Variants in ABL2 observed in about 807,000 individuals in gnomAD.
The protein encoded by ABL2 is ABL proto-oncogene 2, non-receptor tyrosine kinase, also known as tyrosine-protein kinase ABL2.
A neutral mutation model predicts 107.7 loss-of-function variants in ABL2; 49 were observed. The ratio of observed to expected loss-of-function variants is 0.45; its 90% confidence interval spans 0.36 to 0.58. ABL2 has a LOEUF of 0.58. Among genes scored for constraint, ABL2 ranks in the 20% least tolerant of loss-of-function variants. The probability of loss-of-function intolerance (pLI) is 0.00; values close to 1 mark genes in which losing one functional copy is unlikely to be tolerated. For synonymous variants in ABL2, 549 were observed against 548.6 expected (o/e 1.00, Z -0.01); for missense variants, 1,245 against 1,457.0 (o/e 0.85, Z 2.37).
Position 179,229,632 on chromosome 1 carries a change from ACGCCGCCGC to A in ABL2, c.-244_-236del, listed in dbSNP as rs3046363. 242 of 451,798 alleles carry A rather than the reference ACGCCGCCGC, an allele frequency of 5.4e-4. No homozygotes were observed. Among genetic ancestry groups the A allele is most frequent in the Admixed American group, 9.2e-4 (20 of 21,660 alleles). The allele number at this position is 451,798 out of a possible 1,614,324, so 28.0% of individuals were successfully genotyped here. A position where few individuals can be genotyped will look rare whatever the true frequency, so the allele number is the denominator to read the frequency against. On this transcript the variant is annotated 5_prime_UTR_variant, in exon 1 of 12. Coordinates refer to ENST00000502732, the MANE Select transcript of ABL2 (RefSeq NM_007314.4). Reference sequence around the variant, plus strand: ...CTCCTGTCGCGGCTCCGCGCCCCCAACGCCGCCGCCGCCGCCGCCGCCACCGCCGCCGCC... The same window carrying A: ...CTCCTGTCGCGGCTCCGCGCCCCCAACGCCGCCGCCGCCACCGCCGCCGCC...
intron 1 of ABL2, among the ~76,000 whole-genome samples, chr1:179,202,153 A>G (rs1196427962): frequency 6.6e-6 from 1 of 152,148 alleles, no homozygotes; most frequent in African/African-American, 2.4e-5. Flanking sequence ...TTTAACATAT[A>G]TATCATTATT....
At chr1:179,227,626 A>ATTTC (rs1468697325) in intron 1 of ABL2, among the ~76,000 whole-genome samples, 4 of 152,192 alleles carry the variant, frequency 2.6e-5, no homozygotes, top group Admixed American at 6.5e-5. Flanking sequence ...TACTTGGATG[A>ATTTC]TTTCTTCCCT....
intron 10 of ABL2, chr1:179,110,691 C>A (rs1188975623): frequency 6.3e-7 from 1 of 1,586,948 alleles, no homozygotes; most frequent in Non-Finnish European, 8.6e-7. Flanking sequence ...AGCATGCCAA[C>A]GTGTGAATAT....
chr1:179,201,615 G>A (rs949953459), intron 1 of ABL2: 23 of 424,388 alleles, frequency 5.4e-5, no homozygotes, highest in Admixed American at 4.6e-4. Context: ...GCCTTCCTTG[G>A]CTGCCTACAT....
intron 1 of ABL2, among the ~76,000 whole-genome samples, chr1:179,146,953 T>C (rs561801783): frequency 2.0e-5 from 3 of 152,110 alleles, no homozygotes; most frequent in Admixed American, 1.3e-4. Flanking sequence ...GTGACAACTA[T>C]AGACTCTTAT....
Position 179,102,172 on chromosome 1 carries a change from C to G in ABL2, c.*5546G>C. 5.9e-6 allele frequency: 1 copy of G among 169,038 alleles called. No homozygotes were observed. 10.5% of individuals were successfully genotyped at this position (169,038 alleles called of 1,614,324 possible). ...GACTACAGGCGCCCGCCACCACGCC[C>G]AGCTAAGTTTTTGTATTTTTAGTAG... On this transcript the variant is annotated 3_prime_UTR_variant, in exon 12 of 12. Transcript: ENST00000502732.
intron 8 of ABL2, 60 bp downstream of exon 8, chr1:179,117,272 T>C (rs2102611621): frequency 2.7e-6 from 4 of 1,506,722 alleles, no homozygotes; most frequent in Non-Finnish European, 3.7e-6. Context: ...CTCTAAAGAA[T>C]CAAGGCATTT....
chr1:179,112,301 A>T lies in ABL2; in HGVS notation c.1651+8T>A, dbSNP rs1261498702. 1.2e-6 allele frequency: 2 copies of T among 1,610,600 alleles called. No individual in the cohort carries two copies. Among genetic ancestry groups the T allele is most frequent in the Non-Finnish European group, 1.7e-6 (2 of 1,177,016 alleles). On this transcript the variant is annotated splice_region_variant and intron_variant, in intron 10 of 11. Transcript: ENST00000502732. ...TAGTCACCAACAGTAAATCCAACAG[A>T]TTCTCACCTTCAGAAATGCTGGAGT...
Position 179,133,391 on chromosome 1 carries a change from T to A in ABL2, c.158-17A>T, listed in dbSNP as rs779714123. ...CAAAGTGATCTATTTAAGAAAAAAA[T>A]TGACCACGTCACTTTTCTTAAGCTT... On this transcript the variant is annotated splice_polypyrimidine_tract_variant and intron_variant, in intron 1 of 11. Transcript: ENST00000502732. The A allele has an allele frequency of 1.2e-6, 2 of 1,614,096 alleles. No homozygotes were observed. Among genetic ancestry groups the A allele is most frequent in the Middle Eastern group, 1.6e-4 (1 of 6,062 alleles).
At chr1:179,155,571 A>T (rs1398129778) in intron 1 of ABL2, among the ~76,000 whole-genome samples, 1 of 152,082 alleles carries the variant, frequency 6.6e-6, no homozygotes, top group Non-Finnish European at 1.5e-5. Flanking sequence ...TCTATTAAAA[A>T]TACAAAAAAA....
At chr1:179,199,129 C>T (rs1319563635) in intron 1 of ABL2, among the ~76,000 whole-genome samples, 1 of 152,134 alleles carries the variant, frequency 6.6e-6, no homozygotes, top group African/African-American at 2.4e-5. Flanking sequence ...ACGCGTGAGC[C>T]ACCACACCTG....
At chr1:179,119,353 C>T (rs1226840891) in intron 6 of ABL2, among the ~76,000 whole-genome samples, 1 of 151,942 alleles carries the variant, frequency 6.6e-6, no homozygotes, top group Non-Finnish European at 1.5e-5. Flanking sequence ...ACTTGACTGT[C>T]CAACATAGCA....
chr1:179,145,915 A>G (rs1267139588), intron 1 of ABL2, among the ~76,000 whole-genome samples: 12 of 141,036 alleles, frequency 8.5e-5, no homozygotes, highest in Non-Finnish European at 1.5e-4. Flanking sequence ...TTTTTTTGAG[A>G]CAGGGTCTTG....
At chr1:179,221,170 C>A in intron 1 of ABL2, 1 of 237,180 alleles carries the variant, frequency 4.2e-6, no homozygotes, top group South Asian at 7.6e-5. Context: ...ATGAGGTTCT[C>A]ACATTTTTCT....
At chr1:179,137,016 T>C (rs1412842462) in intron 1 of ABL2, among the ~76,000 whole-genome samples, 1 of 151,992 alleles carries the variant, frequency 6.6e-6, no homozygotes, top group Non-Finnish European at 1.5e-5. Flanking sequence ...GAGTTTCATA[T>C]TCCCTTCTCT....
intron 1 of ABL2, among the ~76,000 whole-genome samples, chr1:179,151,388 G>A (rs1486512786): frequency 1.3e-5 from 2 of 152,044 alleles, no homozygotes; most frequent in African/African-American, 4.8e-5. Context: ...CTCTTCCTTT[G>A]CCTAAGCTCA....
rs1460877344 is a variant in ABL2, at chr1:179,136,176, C to T, written c.158-2802G>A. On this transcript the variant is annotated intron_variant, in intron 1 of 11. Transcript: ENST00000502732. ...TGCCCCTACTGGGAAGTGAGGAGCCCCTCTGCCCGGCCACCACCCCGTCTG... is the reference window on the plus strand; with the variant it reads ...TGCCCCTACTGGGAAGTGAGGAGCCTCTCTGCCCGGCCACCACCCCGTCTG... Among the ~76,000 whole-genome samples the T allele has an allele frequency of 2.7e-3, 411 of 151,964 alleles. 1 individual carries two copies. The highest frequency in any genetic ancestry group is 8.9e-3 in the African/African-American group (368 of 41,482).
At chr1:179,113,939 A>T (rs202016936) in intron 9 of ABL2, among the ~76,000 whole-genome samples, 1 of 150,652 alleles carries the variant, frequency 6.6e-6, no homozygotes, top group African/African-American at 2.4e-5. Flanking sequence ...GTCTCAAAAA[A>T]TAAATAAATA....
At chr1:179,128,680 AG>A (rs1478372534) in intron 3 of ABL2, among the ~76,000 whole-genome samples, 1 of 152,066 alleles carries the variant, frequency 6.6e-6, no homozygotes, top group African/African-American at 2.4e-5. Context: ...GAGCAACCCT[AG>A]GGAGAACTTT....
Sources: allele counts gnomAD v4.1 joint callset (sites outside exome capture counted in the v4.1 genomes callset), GRCh38; gene constraint gnomAD v4.1.1; transcripts MANE v1.5; gene names NCBI Gene and HGNC (gene_info 2026-07-23, HGNC 2026-07-21).